RETREG1: variants seen among roughly 807,000 people sequenced by gnomAD.
RETREG1 encodes family with sequence similarity 134 member B.
A neutral mutation model predicts 54.8 loss-of-function variants in RETREG1; 44 were observed. The ratio of observed to expected loss-of-function variants is 0.80; its 90% confidence interval spans 0.63 to 1.03. The LOEUF (loss-of-function observed/expected upper bound fraction) is 1.03, where lower values mean the gene tolerates loss of function less well. Ranked by LOEUF, RETREG1 falls within the 50% of genes least tolerant of loss-of-function variation. The pLI, the probability that RETREG1 is intolerant of heterozygous loss-of-function variation, is 0.00. For missense variants in RETREG1, 554 were observed against 605.1 expected, an observed-to-expected ratio of 0.92 and a Z score of 0.89; for synonymous variants, 217 against 238.5, an observed-to-expected ratio of 0.91 and a Z score of 0.83.
At chr5:16,479,824 G>A (rs1394075184) in intron 5 of RETREG1, among the ~76,000 whole-genome samples, 2 of 152,038 alleles carry the variant, frequency 1.3e-5, no homozygotes, top group Non-Finnish European at 2.9e-5. Context: ...CCAAGAAATT[G>A]TATGTAAATT....
intron 3 of RETREG1, among the ~76,000 whole-genome samples, chr5:16,497,068 A>T (rs1193119339): frequency 6.6e-6 from 1 of 152,186 alleles, no homozygotes; most frequent in Non-Finnish European, 1.5e-5. Flanking sequence ...GCTACTAGGA[A>T]CTATTAAGAG....
At chr5:16,476,581 C>T (rs144331173) in intron 8 of RETREG1, among the ~76,000 whole-genome samples, 4,715 of 152,122 alleles carry the variant, frequency 0.031, 250 homozygotes, top group African/African-American at 0.11. Context: ...TAAAAAGGAA[C>T]GAGATCATGT....
rs36058243 is a variant in RETREG1 at position 16,533,051 on chromosome 5, C to CT, written c.458+32711dup. 4.0e-3 allele frequency among the ~76,000 whole-genome samples: 587 copies of CT among 148,308 alleles called. 6 individuals carry two copies. The highest frequency in any genetic ancestry group is 0.012 in the African/African-American group (487 of 40,362). On this transcript the variant is annotated intron_variant, in intron 3 of 8. Transcript: ENST00000306320. ...ATACTTTAGCAGTTGATAATATGAA[C>CT]TTTTTTTTTTTTTGAGACGGAGTCT...
intron 3 of RETREG1, among the ~76,000 whole-genome samples, chr5:16,528,699 C>T (rs542736475): frequency 6.6e-6 from 1 of 152,266 alleles, no homozygotes; most frequent in Non-Finnish European, 1.5e-5. Flanking sequence ...GAACACTATG[C>T]CTCCTTCAAA....
chr5:16,558,656 AG>A (rs1282440355), intron 3 of RETREG1, among the ~76,000 whole-genome samples: 1 of 152,246 alleles, frequency 6.6e-6, no homozygotes, highest in East Asian at 1.9e-4. Context: ...TCCAGGTACA[AG>A]ATTATAAAGT....
intron 3 of RETREG1, among the ~76,000 whole-genome samples, chr5:16,551,466 C>T (rs1741540100): frequency 6.6e-6 from 1 of 152,174 alleles, no homozygotes; most frequent in Non-Finnish European, 1.5e-5. Flanking sequence ...ACTACCTTGG[C>T]CATGTTGGTT....
At chr5:16,567,959 C>T (rs1028023389) in intron 2 of RETREG1, among the ~76,000 whole-genome samples, 1 of 151,280 alleles carries the variant, frequency 6.6e-6, no homozygotes, top group African/African-American at 2.5e-5. Context: ...GACCCCAATT[C>T]TAAAAATAAA....
intron 3 of RETREG1, among the ~76,000 whole-genome samples, chr5:16,553,853 C>T (rs563459551): frequency 1.3e-5 from 2 of 152,044 alleles, no homozygotes; most frequent in Non-Finnish European, 2.9e-5. Flanking sequence ...ACAGGTAGGC[C>T]GACAGACAGA....
At chr5:16,514,048 T>C (rs1740268267) in intron 3 of RETREG1, among the ~76,000 whole-genome samples, 1 of 152,246 alleles carries the variant, frequency 6.6e-6, no homozygotes. Flanking sequence ...TTTTAAGATA[T>C]GCCTGAATTA....
In RETREG1 at chr5:16,616,839, G is replaced by A; in HGVS notation, c.133C>T (p.Gln45Ter). 2.0e-6 allele frequency: 3 copies of A among 1,514,270 alleles called. No individual in the cohort carries two copies. Among genetic ancestry groups the A allele is most frequent in the Non-Finnish European group, 2.6e-6 (3 of 1,138,770 alleles). The allele number at this position is 1,514,270 out of a possible 1,614,324, so 93.8% of individuals were successfully genotyped here. A position where few individuals can be genotyped will look rare whatever the true frequency, so the allele number is the denominator to read the frequency against. Residue 45 changes from glutamine to a stop codon, truncating the protein, a stop_gained, in exon 1 of 9, where the codon CAG becomes TAG. Transcript: ENST00000306320. LOFTEE classifies it high-confidence loss of function. ...GCGCCCTCCGCCGCCCCAGCTTCCTGCGCTTCCTCCTCCTGCTGCTGCCGC... is the reference window on the plus strand; with the variant it reads ...GCGCCCTCCGCCGCCCCAGCTTCCTACGCTTCCTCCTCCTGCTGCTGCCGC... ...AERQQQEEEA[Q>*]EAGAAEGAGL...
chr5:16,492,280 C>T (rs1360072239), intron 3 of RETREG1, among the ~76,000 whole-genome samples: 1 of 151,080 alleles, frequency 6.6e-6, no homozygotes, highest in Non-Finnish European at 1.5e-5. Context: ...AACTTTTTCA[C>T]ATCCTTATGA....
At chr5:16,486,813 T>A (rs1739038390) in intron 3 of RETREG1, among the ~76,000 whole-genome samples, 1 of 152,134 alleles carries the variant, frequency 6.6e-6, no homozygotes, top group South Asian at 2.1e-4. Context: ...ACCAACCCTT[T>A]CCAGGAAAAC....
In RETREG1 at chr5:16,607,867, C is replaced by A. The variant is rs892103865; in HGVS notation, c.320+8785G>T. ...CCCCTCCCCTCCCCTCCCCTCCACT[C>A]TCACTGTTTTTATTTTTTATTTATT... On this transcript the variant is annotated intron_variant, in intron 1 of 8. Transcript: ENST00000306320. 2.0e-5 allele frequency among the ~76,000 whole-genome samples: 3 copies of A among 150,724 alleles called. No individual in the cohort carries two copies. In the South Asian group the frequency reaches 6.4e-4, roughly 32 times the overall value.
At chr5:16,584,356 G>C (rs976853221) in intron 1 of RETREG1, among the ~76,000 whole-genome samples, 1 of 152,032 alleles carries the variant, frequency 6.6e-6, no homozygotes, top group Non-Finnish European at 1.5e-5. Context: ...GGATCTTAAC[G>C]GTCAAGTAGC....
intron 1 of RETREG1, among the ~76,000 whole-genome samples, chr5:16,584,148 G>A (rs1011870972): frequency 5.9e-5 from 9 of 152,262 alleles, no homozygotes; most frequent in South Asian, 2.1e-4. Context: ...AGAAAGGGTG[G>A]AGGGGGGTGA....
chr5:16,549,532 A>G (rs1048284876), intron 3 of RETREG1, among the ~76,000 whole-genome samples: 18 of 152,248 alleles, frequency 1.2e-4, no homozygotes, highest in Middle Eastern at 6.8e-3. Flanking sequence ...TTTCAGGCCT[A>G]TTTCTCAATT....
chr5:16,582,788 G>T (rs173963), intron 1 of RETREG1, among the ~76,000 whole-genome samples: 1 of 152,020 alleles, frequency 6.6e-6, no homozygotes. Context: ...GTCTGCACTG[G>T]CCGCTCAGAA....
chr5:16,518,982 A>C (rs1372689658), intron 3 of RETREG1, among the ~76,000 whole-genome samples: 1 of 152,202 alleles, frequency 6.6e-6, no homozygotes, highest in East Asian at 1.9e-4. Flanking sequence ...CTAGTATCAA[A>C]CCCAGGATAT....
At chr5:16,512,156 A>T (rs888259057) in intron 3 of RETREG1, among the ~76,000 whole-genome samples, 8 of 152,182 alleles carry the variant, frequency 5.3e-5, no homozygotes, top group African/African-American at 1.9e-4. Context: ...AACCTACTAG[A>T]CATCTAGAAC....
Sources: gnomAD v4.1 joint callset for allele counts (sites outside exome capture counted in the v4.1 genomes callset) on GRCh38, gnomAD v4.1.1 for gene constraint, MANE v1.5 for transcripts, NCBI Gene and HGNC (gene_info 2026-07-23, HGNC 2026-07-21) for gene names.